RASAL3: variants seen among roughly 807,000 people sequenced by gnomAD.
RASAL3 encodes RAS protein activator like 3.
Under a neutral mutation model 105.5 loss-of-function variants are expected in RASAL3, and 74 were observed. That is an observed-to-expected ratio of 0.70 (90% CI 0.58 to 0.85). The LOEUF is 0.85. RASAL3 is among the 40% of genes least tolerant of loss of function. RASAL3 has a pLI of 0.00. For missense variants in RASAL3, 1,352 were observed against 1,392.0 expected, an observed-to-expected ratio of 0.97 and a Z score of 0.46; for synonymous variants, 579 against 591.6, an observed-to-expected ratio of 0.98 and a Z score of 0.31.
chr19:15,452,232 G>C, intron 16 of RASAL3, 124 bp from the exon 17 acceptor site: 1 of 895,274 alleles, frequency 1.1e-6, no homozygotes, highest in Non-Finnish European at 1.8e-6. Flanking sequence ...TCCAGACTGA[G>C]GGGCGGGGCC....
At chr19:15,451,980 G>T in intron 17 of RASAL3, 42 bp from the exon 18 acceptor site, 2 of 1,613,606 alleles carry the variant, frequency 1.2e-6, no homozygotes, top group Non-Finnish European at 1.7e-6. Flanking sequence ...CCAGGAGAGG[G>T]CTGCACCGCA....
intron 2 of RASAL3, among the ~76,000 whole-genome samples, chr19:15,463,518 A>T (rs948730044): frequency 1.3e-5 from 2 of 152,220 alleles, no homozygotes; most frequent in Non-Finnish European, 2.9e-5. Context: ...GGCCTGGCAC[A>T]TACAATAGAA....
chr19:15,460,395 A>G, intron 5 of RASAL3, 137 bp from the exon 6 acceptor site: 2 of 756,776 alleles, frequency 2.6e-6, no homozygotes, highest in Non-Finnish European at 4.4e-6. Context: ...GAATAATAAG[A>G]GCAATCAGCA....
At position 15,454,183 on chromosome 19, in the gene RASAL3, G is replaced by C; in HGVS notation, c.2245C>G (p.Arg749Gly). ...ACCTGGGCCGGGGGCAGTGGGAGACGCATTGGCACTGACACAAGCACAGGC... is the reference window on the plus strand; with the variant it reads ...ACCTGGGCCGGGGGCAGTGGGAGACCCATTGGCACTGACACAAGCACAGGC... ...GQPVLVSVPM[R>G]LPLPPAQVHS... Residue 749 changes from arginine (R) to glycine (G), a missense_variant, in exon 14 of 18, where the codon CGT becomes GGT. Physicochemically the swap from Arg to Gly is moderately radical, Grantham distance 125. This residue lies in a region of RASAL3 where 920 missense variants were observed against 919.6 expected (regional missense o/e 1.00). Coordinates refer to ENST00000343625, the MANE Select transcript of RASAL3 (RefSeq NM_022904.3). The C allele has an allele frequency of 6.4e-7, 1 of 1,568,240 alleles. No individual in the cohort carries two copies. Among genetic ancestry groups the C allele is most frequent in the Non-Finnish European group, 8.6e-7 (1 of 1,156,154 alleles).
chr19:15,462,243 T>C (rs1039813334), intron 2 of RASAL3, among the ~76,000 whole-genome samples: 6 of 152,096 alleles, frequency 3.9e-5, no homozygotes, highest in African/African-American at 1.4e-4. Flanking sequence ...TCCTAGCACT[T>C]TGGGAGGCCT....
At position 15,457,958 on chromosome 19, in the gene RASAL3, T is replaced by C. The variant is rs969336398; in HGVS notation, c.889-124A>G. On this transcript the variant is annotated intron_variant, in intron 8 of 17. Transcript: ENST00000343625. The surrounding 1 kb of genome is among the most constrained non-coding windows in gnomAD (Gnocchi z 8.6). ...GGTCCCTAGGGAGATTGCTGGGCCT[T>C]TGGGGAAAGAAGTGGAGCCACGGGA... 11 of 1,171,036 alleles carry C rather than the reference T, an allele frequency of 9.4e-6. No individual in the cohort carries two copies. The highest frequency in any genetic ancestry group is 1.6e-5 in the African/African-American group (1 of 64,084). The allele number at this position is 1,171,036 out of a possible 1,614,324, so 72.5% of individuals were successfully genotyped here. A position where few individuals can be genotyped will look rare whatever the true frequency, so the allele number is the denominator to read the frequency against.
Position 15,454,562 on chromosome 19 carries a change from C to T in RASAL3, c.1959G>A (p.Pro653=), listed in dbSNP as rs1214517620. ...CCATGTAGGCCTCCTTCTCACCGAA[C>T]CTGGATCAGGGCCAGGCTGGGTGGG... ...KVIQNLANRA[P]FGEKEAYMGF... The change falls in exon 13 of 18, where the codon CCG becomes CCA. Residue 653 remains proline (P), a splice_region_variant and synonymous_variant. Transcript: ENST00000343625. The T allele has an allele frequency of 3.7e-6, 6 of 1,613,800 alleles. No homozygotes were observed. The highest frequency in any genetic ancestry group is 1.7e-5 in the Admixed American group (1 of 60,000).
chr19:15,459,891 G>A (rs1970455156), intron 6 of RASAL3, among the ~76,000 whole-genome samples: 1 of 152,044 alleles, frequency 6.6e-6, no homozygotes, highest in Non-Finnish European at 1.5e-5. Context: ...CCTTCTGCCT[G>A]GAATGCTTTT....
rs377007008 is a variant in RASAL3, at chr19:15,464,242, G to A, written c.117C>T (p.Arg39=). 4.9e-4 allele frequency: 790 copies of A among 1,609,396 alleles called. 4 individuals carry two copies. The highest frequency in any genetic ancestry group is 2.4e-3 in the South Asian group (220 of 90,372). The change falls in exon 2 of 18, where the codon CGC becomes CGT. Residue 39 remains arginine, a synonymous_variant. Coordinates refer to ENST00000343625, the MANE Select transcript of RASAL3 (RefSeq NM_022904.3). ...GGGEKAAGGF[R]WGRFAGWGRA... is the part of the protein sequence containing the mutation. ...TGCCCCAGCCAGCAAAGCGGCCCCA[G>A]CGGAACCCTCCAGCCGCCTTCTCCC...
chr19:15,458,443 TCCAACGGTGTGATCGAGG>T lies in RASAL3; in HGVS notation c.790-35_790-18del. ...CCAGGTTACCTGTTGGGATGGAGAA[TCCAACGGTGTGATCGAGG>T]CCAAGGGTGAAGCCAAAGGGTGGGA... On this transcript the variant is annotated intron_variant, in intron 7 of 17. Transcript: ENST00000343625. 6.2e-7 allele frequency: 1 copy of T among 1,613,408 alleles called. No homozygotes were observed. The highest frequency in any genetic ancestry group is 8.5e-7 in the Non-Finnish European group (1 of 1,179,606).
chr19:15,454,685 C>A lies in RASAL3; in HGVS notation c.1930G>T (p.Val644Phe). The change falls in exon 12 of 18, where the codon GTC becomes TTC. Residue 644 changes from valine to phenylalanine, a missense_variant. This residue lies in a region of RASAL3 where 920 missense variants were observed against 919.6 expected (regional missense o/e 1.00). Coordinates refer to ENST00000343625, the MANE Select transcript of RASAL3 (RefSeq NM_022904.3). The part of the protein sequence containing the change: ...PARTLTLIAK[V>F]IQNLANRAPF... ...GCACGGTTGGCGAGGTTCTGGATGA[C>A]CTTGGCAATCAGTGTGAGGGTGCGG... 1 of 1,609,652 alleles carries A rather than the reference C, an allele frequency of 6.2e-7. No homozygotes were observed. Among genetic ancestry groups the A allele is most frequent in the Non-Finnish European group, 8.5e-7 (1 of 1,177,120 alleles).
Position 15,457,165 on chromosome 19 carries a change from C to A in RASAL3, c.1431+127G>T. The A allele has an allele frequency of 1.2e-6, 1 of 831,918 alleles. No individual in the cohort carries two copies. The highest frequency in any genetic ancestry group is 1.6e-6 in the Non-Finnish European group (1 of 618,396). The allele number at this position is 831,918 out of a possible 1,614,324, so 51.5% of individuals were successfully genotyped here. ...TTACAGGTGACACTTGGACCACGCC[C>A]CTCACACCCCTTCAAGGTGTCTCCC... On this transcript the variant is annotated intron_variant, in intron 9 of 17. Transcript: ENST00000343625. This position sits in a 1 kb window ranked among gnomAD's most constrained non-coding sequence, Gnocchi z 8.6.
Position 15,457,376 on chromosome 19 carries a change from G to T in RASAL3, c.1347C>A (p.Ala449=). ...CCTGCGCAGGCAGCGCGGGCTCCAGGGCCCCGCAGAGGCGCGCATAGTGGA... is the reference window on the plus strand; with the variant it reads ...CCTGCGCAGGCAGCGCGGGCTCCAGTGCCCCGCAGAGGCGCGCATAGTGGA... ...LTFHYARLCG[A]LEPALPAQAK... The change falls in exon 9 of 18, where the codon GCC becomes GCA. Residue 449 remains alanine, a synonymous_variant. Coordinates refer to ENST00000343625, the MANE Select transcript of RASAL3 (RefSeq NM_022904.3). This position sits in a 1 kb window ranked among gnomAD's most constrained non-coding sequence, Gnocchi z 8.6. The T allele has an allele frequency of 7.0e-7, 1 of 1,437,722 alleles. No individual in the cohort carries two copies. Among genetic ancestry groups the T allele is most frequent in the Non-Finnish European group, 9.1e-7 (1 of 1,101,924 alleles). The allele number at this position is 1,437,722 out of a possible 1,614,324, so 89.1% of individuals were successfully genotyped here. A position where few individuals can be genotyped will look rare whatever the true frequency, so the allele number is the denominator to read the frequency against.
intron 16 of RASAL3, 78 bp downstream of exon 16, chr19:15,452,580 G>GTT (rs1225914240): frequency 2.5e-6 from 3 of 1,184,214 alleles, no homozygotes; most frequent in Non-Finnish European, 3.4e-6. Context: ...TGGTTTGGGG[G>GTT]GGGGGGGGAG....
At position 15,454,263 on chromosome 19, in the gene RASAL3, G is replaced by A; in HGVS notation, c.2165C>T (p.Thr722Ile). ...CTIFAELDQTTRDTLEPLPTI... is the reference protein window; with the variant it reads ...CTIFAELDQTIRDTLEPLPTI... ...GGGCAGTGGTTCCAGGGTGTCTCGGGTTGTCTGGTGAGGCATGCAGGACAG... is the reference window on the plus strand; with the variant it reads ...GGGCAGTGGTTCCAGGGTGTCTCGGATTGTCTGGTGAGGCATGCAGGACAG... The change falls in exon 14 of 18, where the codon ACC becomes ATC. Residue 722 changes from threonine to isoleucine, a missense_variant. Physicochemically the swap from Thr to Ile is moderately conservative, Grantham distance 89. Transcript: ENST00000343625. The A allele has an allele frequency of 1.3e-6, 2 of 1,564,580 alleles. No individual in the cohort carries two copies. Among genetic ancestry groups the A allele is most frequent in the South Asian group, 1.2e-5 (1 of 85,308 alleles).
intron 16 of RASAL3, 109 bp downstream of exon 16, chr19:15,452,548 TG>T: frequency 1.3e-6 from 1 of 781,622 alleles, no homozygotes; most frequent in Non-Finnish European, 1.7e-6. Flanking sequence ...GGGGCCAGGG[TG>T]GGGCTTGGCC....
intron 6 of RASAL3, among the ~76,000 whole-genome samples, chr19:15,459,731 C>T (rs1159417915): frequency 6.6e-6 from 1 of 151,828 alleles, no homozygotes; most frequent in Non-Finnish European, 1.5e-5. Context: ...GAAATGGGGT[C>T]TCACTATGTT....
In RASAL3 at chr19:15,464,338, G is replaced by T; in HGVS notation, c.21C>A (p.Ser7Arg). The change falls in exon 2 of 18, where the codon AGC becomes AGA. Residue 7 changes from serine (S) to arginine (R), a missense_variant. By Grantham distance (110) the Ser-to-Arg change is moderately radical. Around this residue, in one of 3 missense-constraint regions of RASAL3, gnomAD observed 344 missense variants for 339.6 expected, o/e 1.01. Coordinates refer to ENST00000343625, the MANE Select transcript of RASAL3 (RefSeq NM_022904.3). MDPPSP[S>R]RTSQTQPTAT... ...CTGTGGGCTGGGTTTGGGAGGTCCG[G>T]CTTGGCGACGGTGGGTCCATGGTTG... 1 of 1,606,550 alleles carries T rather than the reference G, an allele frequency of 6.2e-7. No homozygotes were observed.
rs1970419493 is a variant in RASAL3, at chr19:15,458,831, T to C, written c.663-176A>G. Among the ~76,000 whole-genome samples, 4 of 125,032 alleles carry C rather than the reference T, an allele frequency of 3.2e-5. No individual in the cohort carries two copies. In the South Asian group the frequency reaches 1.1e-3, roughly 33 times the overall value. 82.0% of individuals were successfully genotyped at this position (125,032 alleles called of 152,430 possible). On this transcript the variant is annotated intron_variant, in intron 6 of 17. Coordinates refer to ENST00000343625, the MANE Select transcript of RASAL3 (RefSeq NM_022904.3). ...TTGCTTTTAGGATAAACTCAACTCC[T>C]GGTGACCTACATGACCAAGCTGGGT...
Sources: gnomAD v4.1 joint callset for allele counts (sites outside exome capture counted in the v4.1 genomes callset) on GRCh38, gnomAD v4.1.1 for gene constraint, gnomAD v4.1.1 regional missense constraint, Gnocchi (gnomAD v3.1) non-coding constraint, MANE v1.5 for transcripts, NCBI Gene and HGNC (gene_info 2026-07-23, HGNC 2026-07-21) for gene names.